The following SETD5 variants were observed in gnomAD, a reference collection of about 807,000 sequenced individuals.
SETD5 encodes the protein SET domain containing 5, also known as histone-lysine N-methyltransferase SETD5.
SETD5 carries 44 observed loss-of-function variants against 153.3 expected under a neutral mutation model. The ratio of observed to expected loss-of-function variants is 0.29; its 90% confidence interval spans 0.23 to 0.37. SETD5 has a LOEUF of 0.37. Among genes scored for constraint, SETD5 ranks in the 10% least tolerant of loss-of-function variants. SETD5 has a pLI of 1.00. For missense variants in SETD5, 1,544 were observed against 1,768.0 expected (o/e 0.87, Z 2.27); for synonymous variants, 716 against 645.2 (o/e 1.11, Z -1.66).
intron 22 of SETD5, 30 bp downstream of exon 22, chr3:9,475,186 A>G (rs370763495): frequency 1.3e-5 from 20 of 1,551,370 alleles, no homozygotes; most frequent in African/African-American, 4.1e-5. Flanking sequence ...GTCTCTAGCC[A>G]TAGGAGTGTG....
At chr3:9,403,493 G>T (rs558326419) in intron 1 of SETD5, among the ~76,000 whole-genome samples, 1 of 152,162 alleles carries the variant, frequency 6.6e-6, no homozygotes, top group African/African-American at 2.4e-5. Context: ...ATAGTTGCTC[G>T]TAGTTGTCTA....
chr3:9,454,785 A>G (rs1009668461), intron 17 of SETD5, among the ~76,000 whole-genome samples: 7 of 152,108 alleles, frequency 4.6e-5, no homozygotes, highest in Non-Finnish European at 7.4e-5. Flanking sequence ...TGATATCTTA[A>G]TGTATTTTGT....
At chr3:9,410,198 A>G (rs1369154487) in intron 1 of SETD5, among the ~76,000 whole-genome samples, 1 of 152,240 alleles carries the variant, frequency 6.6e-6, no homozygotes, top group African/African-American at 2.4e-5. Context: ...ACTGGATACT[A>G]TACGCAGTTG....
chr3:9,437,667 G>A (rs1290000292), intron 7 of SETD5, among the ~76,000 whole-genome samples: 3 of 152,056 alleles, frequency 2.0e-5, no homozygotes, highest in East Asian at 3.9e-4. Context: ...TGATACAAAA[G>A]CAGGATCTTT....
At chr3:9,405,891 C>T (rs919641720) in intron 1 of SETD5, among the ~76,000 whole-genome samples, 1 of 152,106 alleles carries the variant, frequency 6.6e-6, no homozygotes, top group Non-Finnish European at 1.5e-5. Flanking sequence ...TGTTTCCTAC[C>T]ACCAACCTCT....
Position 9,434,051 on chromosome 3 carries a change from G to C in SETD5, c.177+101G>C. The C allele has an allele frequency of 6.2e-7, 1 of 1,607,356 alleles. No individual in the cohort carries two copies. The highest frequency in any genetic ancestry group is 1.1e-5 in the South Asian group (1 of 89,920). ...TTGAAATGTTTATATGCAGCATGAC[G>C]AAGTTGCCCCTTTTGCACTTCCCTG... On this transcript the variant is annotated intron_variant, in intron 4 of 22. Coordinates refer to ENST00000402198, the MANE Select transcript of SETD5 (RefSeq NM_001080517.3). This position sits in a 1 kb window ranked among gnomAD's most constrained non-coding sequence, Gnocchi z 5.6.
intron 17 of SETD5, among the ~76,000 whole-genome samples, chr3:9,457,995 G>A (rs757957799): frequency 6.6e-6 from 1 of 151,992 alleles, no homozygotes; most frequent in Non-Finnish European, 1.5e-5. Context: ...CTAGTATGAA[G>A]CTAATAGTTA....
chr3:9,416,317 T>C (rs1452948929), intron 1 of SETD5, among the ~76,000 whole-genome samples: 1 of 152,190 alleles, frequency 6.6e-6, no homozygotes, highest in Admixed American at 6.5e-5. Flanking sequence ...GTACACAGAT[T>C]TATGGAATAT....
chr3:9,464,013 A>G (rs570354720), intron 17 of SETD5, among the ~76,000 whole-genome samples: 1 of 152,320 alleles, frequency 6.6e-6, no homozygotes, highest in South Asian at 2.1e-4. Context: ...CTGTAATCCC[A>G]GCTACTCGGG....
intron 1 of SETD5, among the ~76,000 whole-genome samples, chr3:9,407,981 C>T (rs915119407): frequency 7.3e-6 from 1 of 136,820 alleles, no homozygotes; most frequent in African/African-American, 2.8e-5. Context: ...GCCTGGGCAA[C>T]AAGAGCAAAA....
At position 9,473,454 on chromosome 3, in the gene SETD5, C is replaced by G; in HGVS notation, c.3414C>G (p.Ser1138=). The change falls in exon 20 of 23, where the codon TCC becomes TCG. Residue 1138 remains serine (S), a synonymous_variant. Coordinates refer to ENST00000402198, the MANE Select transcript of SETD5 (RefSeq NM_001080517.3). ...KKFSPSHSSM[S]HLEAVSPSDS... ...TCTCCCCATCTCATTCCTCTATGTCCCATTTGGAGGCGGTAAGCCCATCAG... is the reference window on the plus strand; with the variant it reads ...TCTCCCCATCTCATTCCTCTATGTCGCATTTGGAGGCGGTAAGCCCATCAG... The G allele has an allele frequency of 6.2e-7, 1 of 1,613,866 alleles. No individual in the cohort carries two copies. Among genetic ancestry groups the G allele is most frequent in the Non-Finnish European group, 8.5e-7 (1 of 1,179,864 alleles).
At chr3:9,460,921 G>GGTTAGC (rs2043882248) in intron 17 of SETD5, among the ~76,000 whole-genome samples, 1 of 152,074 alleles carries the variant, frequency 6.6e-6, no homozygotes, top group South Asian at 2.1e-4. Flanking sequence ...TGTCAGGGTG[G>GGTTAGC]GTTAGCAAAG....
At chr3:9,453,666 T>C (rs1364167392) in intron 16 of SETD5, 73 bp from the exon 17 acceptor site, 3 of 1,387,818 alleles carry the variant, frequency 2.2e-6, no homozygotes, top group African/African-American at 2.9e-5. Context: ...CACCAGTTGA[T>C]GTACATTTAA....
Position 9,445,962 on chromosome 3 carries a change from G to GTTTTTTTTTTTTTTTTTTTT in SETD5, c.1524+224_1524+225insTTTTTTTTTTTTTTTTTTTT, listed in dbSNP as rs1432231015. On this transcript the variant is annotated intron_variant, in intron 13 of 22. Transcript: ENST00000402198. ...TATTATCTAGTGATGGTTTGAAGAG[G>GTTTTTTTTTTTTTTTTTTTT]TTGTTTTTTTTTTTTTTTTTTTTTT... 1.7e-3 allele frequency among the ~76,000 whole-genome samples: 208 copies of GTTTTTTTTTTTTTTTTTTTT among 120,214 alleles called. 16 individuals are homozygous for GTTTTTTTTTTTTTTTTTTTT. Among genetic ancestry groups the GTTTTTTTTTTTTTTTTTTTT allele is most frequent in the African/African-American group, 3.2e-3 (93 of 28,626 alleles). The allele number at this position is 120,214 out of a possible 152,430, so 78.9% of individuals were successfully genotyped here.
intron 3 of SETD5, among the ~76,000 whole-genome samples, chr3:9,432,894 A>G (rs1314385712): frequency 6.6e-6 from 1 of 152,226 alleles, no homozygotes; most frequent in African/African-American, 2.4e-5. Flanking sequence ...AATTTTCTTT[A>G]AAGGACTGAA....
intron 1 of SETD5, among the ~76,000 whole-genome samples, chr3:9,405,285 T>G (rs2035476889): frequency 6.6e-6 from 1 of 152,246 alleles, no homozygotes; most frequent in Non-Finnish European, 1.5e-5. Flanking sequence ...GGCTCTCTTC[T>G]GTACATAATA....
chr3:9,475,288 G>A (rs182419757), intron 22 of SETD5, 132 bp downstream of exon 22: 3 of 1,133,002 alleles, frequency 2.6e-6, no homozygotes, highest in Admixed American at 5.1e-5. Flanking sequence ...GTCATCATCT[G>A]CTTGTCCTCA....
chr3:9,453,862 A>G lies in SETD5; in HGVS notation c.2470A>G (p.Asn824Asp), dbSNP rs2042914964. Residue 824 changes from asparagine to aspartate, a missense_variant, in exon 17 of 23, where the codon AAT (asparagine) becomes GAT (aspartate). Physicochemically the swap from Asn to Asp is conservative, Grantham distance 23 (BLOSUM62 1). Coordinates refer to ENST00000402198, the MANE Select transcript of SETD5 (RefSeq NM_001080517.3). ...NSSSSSICKD[N>D]ADLLSPLKKW... is the part of the protein sequence containing the mutation. Reference sequence around the variant, plus strand: ...TAGCTCTTCTAGTATCTGCAAAGACAATGCAGGTACGTATCTAAAACCTTT... The same window carrying G: ...TAGCTCTTCTAGTATCTGCAAAGACGATGCAGGTACGTATCTAAAACCTTT... 1 of 1,576,038 alleles carries G rather than the reference A, an allele frequency of 6.3e-7. No individual in the cohort carries two copies. The highest frequency in any genetic ancestry group is 1.2e-5 in the South Asian group (1 of 84,118).
chr3:9,436,982 T>G, intron 7 of SETD5: 1 of 1,133,522 alleles, frequency 8.8e-7, no homozygotes, highest in Admixed American at 2.3e-5. Context: ...CTGGGAATCT[T>G]GGACTCTGCT....
Sources: allele counts gnomAD v4.1 joint callset (sites outside exome capture counted in the v4.1 genomes callset), GRCh38; gene constraint gnomAD v4.1.1; non-coding constraint Gnocchi (gnomAD v3.1); transcripts MANE v1.5; gene names NCBI Gene and HGNC (gene_info 2026-07-23, HGNC 2026-07-21).